The following ZNF404 variants were observed in gnomAD, a reference collection of about 807,000 sequenced individuals.
ZNF404 encodes zinc finger protein 404.
In ZNF404, 7 loss-of-function variants were observed where a neutral mutation model predicts 7.3. That is an observed-to-expected ratio of 0.95 (90% CI 0.54 to 1.79). The LOEUF is 1.79. Ranked by LOEUF, ZNF404 falls within the 40% of genes most tolerant of loss-of-function variation. ZNF404 has a pLI of 0.00. For synonymous variants in ZNF404, 191 were observed against 209.9 expected (o/e 0.91, Z 0.78); for missense variants, 560 against 661.5 (o/e 0.85, Z 1.68).
chr19:43,874,207 A>G, intron 2 of ZNF404, 130 bp from the exon 3 acceptor site: 4 of 687,988 alleles, frequency 5.8e-6, no homozygotes, highest in South Asian at 2.4e-5. Context: ...AGAAAATTCT[A>G]AAGTACTGCC....
intron 2 of ZNF404, among the ~76,000 whole-genome samples, chr19:43,876,239 A>G (rs1971849560): frequency 6.6e-6 from 1 of 152,090 alleles, no homozygotes; most frequent in Non-Finnish European, 1.5e-5. Context: ...ATTTGAACCC[A>G]GGAGGCAGAG....
At chr19:43,878,956 T>C (rs952176191) in intron 2 of ZNF404, among the ~76,000 whole-genome samples, 1 of 152,208 alleles carries the variant, frequency 6.6e-6, no homozygotes, top group Non-Finnish European at 1.5e-5. Flanking sequence ...TCTTCAGTTA[T>C]TTTATATGCA....
chr19:43,875,300 T>A (rs1419698369), intron 2 of ZNF404, among the ~76,000 whole-genome samples: 1 of 152,206 alleles, frequency 6.6e-6, no homozygotes, highest in Non-Finnish European at 1.5e-5. Context: ...ATAATTTTTT[T>A]TTTAAATCTA....
intron 1 of ZNF404, among the ~76,000 whole-genome samples, chr19:43,882,829 T>C (rs1432104833): frequency 6.7e-6 from 1 of 150,212 alleles, no homozygotes; most frequent in African/African-American, 2.4e-5. Context: ...GGCTGGGCAT[T>C]GTGGCTCATG....
At position 43,873,632 on chromosome 19, in the gene ZNF404, C is replaced by T. The variant is rs1809246497; in HGVS notation, c.582G>A (p.Lys194=). ...LKPYECNGCE[K]AFRFYSQLIQ... The stretch of plus-strand genomic sequence containing the variant: ...TAAGCTGTGAATAAAACCTAAAGGC[C>T]TTCTCACATCCATTGCATTCATAGG... The change falls in exon 3 of 3, where the codon AAG becomes AAA. Residue 194 remains lysine, a synonymous_variant. Transcript: ENST00000587539. 1.9e-6 allele frequency: 3 copies of T among 1,613,238 alleles called. No homozygotes were observed. The highest frequency in any genetic ancestry group is 2.5e-6 in the Non-Finnish European group (3 of 1,179,628).
rs1273245615 is a variant in ZNF404 at position 43,873,228 on chromosome 19, C to T, written c.986G>A (p.Cys329Tyr). ...ACCAAAAGCCTTTCCACATTCCATGCATTCATGAGGTTTCTCACCAGTATG... is the reference window on the plus strand; with the variant it reads ...ACCAAAAGCCTTTCCACATTCCATGTATTCATGAGGTTTCTCACCAGTATG... The part of the protein sequence containing the change: ...RSHTGEKPHE[C>Y]MECGKAFGKG... The change falls in exon 3 of 3, where the codon TGC (cysteine) becomes TAC (tyrosine). Residue 329 changes from cysteine to tyrosine, a missense_variant. Transcript: ENST00000587539. The T allele has an allele frequency of 4.3e-6, 7 of 1,613,476 alleles. No homozygotes were observed. The highest frequency in any genetic ancestry group is 5.9e-6 in the Non-Finnish European group (7 of 1,179,616).
intron 2 of ZNF404, among the ~76,000 whole-genome samples, chr19:43,876,168 G>T (rs182721923): frequency 1.1e-4 from 16 of 152,118 alleles, no homozygotes; most frequent in African/African-American, 3.9e-4. Flanking sequence ...ACAAAAATTA[G>T]CCAGGTGTGG....
At chr19:43,882,931 T>G (rs1971908521) in intron 1 of ZNF404, among the ~76,000 whole-genome samples, 1 of 151,964 alleles carries the variant, frequency 6.6e-6, no homozygotes, top group Non-Finnish European at 1.5e-5. Flanking sequence ...TGAAACCCCA[T>G]CTCTACTAAA....
In ZNF404 at chr19:43,872,745, G is replaced by C; in HGVS notation, c.1469C>G (p.Thr490Ser). ...TTTACATTCATAGGGTTTTTCACCAGTATGAATTCTCTTATGTTGAGAAAG... is the reference window on the plus strand; with the variant it reads ...TTTACATTCATAGGGTTTTTCACCACTATGAATTCTCTTATGTTGAGAAAG... ...SGLSQHKRIHTGEKPYECKEC... is the reference protein window; with the variant it reads ...SGLSQHKRIHSGEKPYECKEC... The change falls in exon 3 of 3, where the codon ACT becomes AGT. Residue 490 changes from threonine to serine, a missense_variant. By Grantham distance (58) the Thr-to-Ser change is moderately conservative. Coordinates refer to ENST00000587539, the MANE Select transcript of ZNF404 (RefSeq NM_001033719.3). The surrounding 1 kb of genome is among the most constrained non-coding windows in gnomAD (Gnocchi z 4.4). The C allele has an allele frequency of 6.2e-7, 1 of 1,613,066 alleles. No individual in the cohort carries two copies. The highest frequency in any genetic ancestry group is 2.2e-5 in the East Asian group (1 of 44,852).
At position 43,872,752 on chromosome 19, in the gene ZNF404, T is replaced by C. The variant is rs1261865282; in HGVS notation, c.1462A>G (p.Ile488Val). ...SISGLSQHKR[I>V]HTGEKPYECK... is the part of the protein sequence containing the mutation. ...TCATAGGGTTTTTCACCAGTATGAA[T>C]TCTCTTATGTTGAGAAAGACCTGAG... Residue 488 changes from isoleucine (I) to valine (V), a missense_variant, in exon 3 of 3, where the codon ATT becomes GTT. Physicochemically the swap from Ile to Val is conservative, Grantham distance 29 (BLOSUM62 3). Transcript: ENST00000587539. The surrounding 1 kb of genome is among the most constrained non-coding windows in gnomAD (Gnocchi z 4.4). The C allele has an allele frequency of 6.2e-7, 1 of 1,612,880 alleles. No individual in the cohort carries two copies. The highest frequency in any genetic ancestry group is 8.5e-7 in the Non-Finnish European group (1 of 1,179,376).
chr19:43,883,270 A>G (rs1568437871), intron 1 of ZNF404, among the ~76,000 whole-genome samples: 1 of 152,074 alleles, frequency 6.6e-6, no homozygotes. Context: ...AATATCATCT[A>G]CCACATATCA....
At chr19:43,876,685 T>C (rs1010126342) in intron 2 of ZNF404, among the ~76,000 whole-genome samples, 7 of 152,192 alleles carry the variant, frequency 4.6e-5, no homozygotes, top group Admixed American at 2.0e-4. Flanking sequence ...ATAATAACTT[T>C]ACAGTGAAGA....
At position 43,872,743 on chromosome 19, in the gene ZNF404, C is replaced by T; in HGVS notation, c.1471G>A (p.Gly491Ser). 1 of 1,613,050 alleles carries T rather than the reference C, an allele frequency of 6.2e-7. No homozygotes were observed. Residue 491 changes from glycine (G) to serine (S), a missense_variant, in exon 3 of 3, where the codon GGT becomes AGT. Transcript: ENST00000587539. The surrounding 1 kb of genome is among the most constrained non-coding windows in gnomAD (Gnocchi z 4.4). Reference sequence around the variant, plus strand: ...TCTTTACATTCATAGGGTTTTTCACCAGTATGAATTCTCTTATGTTGAGAA... The same window carrying T: ...TCTTTACATTCATAGGGTTTTTCACTAGTATGAATTCTCTTATGTTGAGAA... The part of the protein sequence containing the change: ...GLSQHKRIHT[G>S]EKPYECKECD...
At chr19:43,877,934 A>G (rs1971862948) in intron 2 of ZNF404, among the ~76,000 whole-genome samples, 1 of 147,932 alleles carries the variant, frequency 6.8e-6, no homozygotes, top group South Asian at 2.2e-4. Context: ...ATGGCTGCAT[A>G]GTATTCCATG....
chr19:43,877,369 C>T (rs979606250), intron 2 of ZNF404, among the ~76,000 whole-genome samples: 3 of 152,118 alleles, frequency 2.0e-5, no homozygotes, highest in Non-Finnish European at 4.4e-5. Flanking sequence ...GCTTCGGTCT[C>T]TATATACTAT....
At chr19:43,874,455 T>C (rs1351537209) in intron 2 of ZNF404, among the ~76,000 whole-genome samples, 1 of 102,350 alleles carries the variant, frequency 9.8e-6, no homozygotes, top group African/African-American at 3.8e-5. Flanking sequence ...CATTGCTCTC[T>C]ATATAATTGT....
At chr19:43,883,814 C>A in intron 1 of ZNF404, 142 bp downstream of exon 1, 1 of 782,814 alleles carries the variant, frequency 1.3e-6, no homozygotes. Flanking sequence ...GGACATCATC[C>A]ATCACTGGAA....
rs1971831471 is a variant in ZNF404 at position 43,873,740 on chromosome 19, G to C, written c.474C>G (p.Pro158=). ...EHLRDHTGVI[P]YECNECGKAF... ...CTTTTCCACATTCATTACATTCATAGGGTATCACACCAGTATGGTCTCTCA... is the reference window on the plus strand; with the variant it reads ...CTTTTCCACATTCATTACATTCATACGGTATCACACCAGTATGGTCTCTCA... The change falls in exon 3 of 3, where the codon CCC becomes CCG. Residue 158 remains proline (P), a synonymous_variant. Coordinates refer to ENST00000587539, the MANE Select transcript of ZNF404 (RefSeq NM_001033719.3). 1 of 1,606,136 alleles carries C rather than the reference G, an allele frequency of 6.2e-7. No homozygotes were observed. Among genetic ancestry groups the C allele is most frequent in the Admixed American group, 1.7e-5 (1 of 59,600 alleles).
Position 43,872,658 on chromosome 19 carries a change from C to T in ZNF404, c.1556G>A (p.Gly519Asp). ...TTCTTTGCATTTCTGTGGTTTCACA[C>T]CAGTATGAATTGTCTCATGTTGAGT... ...RLTQHETIHT[G>D]VKPQKCKECG... The change falls in exon 3 of 3, where the codon GGT becomes GAT. Residue 519 changes from glycine (G) to aspartate (D), a missense_variant. Physicochemically the swap from Gly to Asp is moderately conservative, Grantham distance 94. Transcript: ENST00000587539. This position sits in a 1 kb window ranked among gnomAD's most constrained non-coding sequence, Gnocchi z 4.4. 6.2e-7 allele frequency: 1 copy of T among 1,613,084 alleles called. No homozygotes were observed. Among genetic ancestry groups the T allele is most frequent in the Non-Finnish European group, 8.5e-7 (1 of 1,179,490 alleles).
Sources: gnomAD v4.1 joint callset for allele counts (sites outside exome capture counted in the v4.1 genomes callset) on GRCh38, gnomAD v4.1.1 for gene constraint, Gnocchi (gnomAD v3.1) non-coding constraint, MANE v1.5 for transcripts, NCBI Gene and HGNC (gene_info 2026-07-23, HGNC 2026-07-21) for gene names.